Variants in SH3GL3 observed in about 807,000 individuals in gnomAD.
The protein encoded by SH3GL3 is SH3 domain containing GRB2 like 3, endophilin A3.
Under a neutral mutation model 47.7 loss-of-function variants are expected in SH3GL3, and 33 were observed. That is an observed-to-expected ratio of 0.69 (90% CI 0.52 to 0.92). The LOEUF is 0.92. Among genes scored for constraint, SH3GL3 ranks in the 40% least tolerant of loss-of-function variants. The pLI is 0.00. For synonymous variants in SH3GL3, 155 were observed against 148.8 expected (o/e 1.04, Z -0.30); for missense variants, 363 against 417.8 (o/e 0.87, Z 1.14).
At chr15:83,592,987 G>C (rs572241867) in intron 8 of SH3GL3, among the ~76,000 whole-genome samples, 2 of 151,490 alleles carry the variant, frequency 1.3e-5, no homozygotes, top group African/African-American at 4.9e-5. Flanking sequence ...TTTTTACATC[G>C]CCTAACACTT....
chr15:83,527,770 G>A (rs1596185313), intron 1 of SH3GL3, among the ~76,000 whole-genome samples: 1 of 152,034 alleles, frequency 6.6e-6, no homozygotes, highest in East Asian at 1.9e-4. Flanking sequence ...ATTTGGTTTT[G>A]TGGTTCTTTG....
chr15:83,484,254 A>G (rs1051141148), intron 1 of SH3GL3, among the ~76,000 whole-genome samples: 2 of 152,202 alleles, frequency 1.3e-5, no homozygotes, highest in African/African-American at 4.8e-5. Context: ...TTTAAGAAGC[A>G]GGTAATTTAT....
At chr15:83,584,988 C>T (rs952989153) in intron 6 of SH3GL3, among the ~76,000 whole-genome samples, 2 of 152,222 alleles carry the variant, frequency 1.3e-5, no homozygotes, top group African/African-American at 4.8e-5. Flanking sequence ...GTTCAGGAAG[C>T]TGAATGTACC....
intron 1 of SH3GL3, among the ~76,000 whole-genome samples, chr15:83,458,307 A>G (rs139406790): frequency 9.3e-4 from 141 of 152,304 alleles, no homozygotes; most frequent in African/African-American, 3.3e-3. Flanking sequence ...TGCTTTCCCA[A>G]TGGGAATTCC....
chr15:83,507,438 G>A (rs1196905472), intron 1 of SH3GL3, among the ~76,000 whole-genome samples: 2 of 149,804 alleles, frequency 1.3e-5, no homozygotes, highest in Non-Finnish European at 3.0e-5. Context: ...TTTTTTGAGA[G>A]AGAGTCTCGC....
rs2045474515 is a variant in SH3GL3, at chr15:83,565,163, A to G, written c.144A>G (p.Ala48=). 2.5e-6 allele frequency: 4 copies of G among 1,578,392 alleles called. No homozygotes were observed. Among genetic ancestry groups the G allele is most frequent in the Non-Finnish European group, 8.7e-7 (1 of 1,152,968 alleles). Residue 48 remains alanine (A), a synonymous_variant, in exon 3 of 9, where the codon GCA becomes GCG. Coordinates refer to ENST00000427482, the MANE Select transcript of SH3GL3 (RefSeq NM_003027.5). Reference sequence around the variant, plus strand: ...TAGATGTTACCAATAAAGTTGTTGCAGAAATTCTTTCAAAAACCACTGAAT... The same window carrying G: ...TAGATGTTACCAATAAAGTTGTTGCGGAAATTCTTTCAAAAACCACTGAAT... ...RKIDVTNKVV[A]EILSKTTEYL... is the part of the protein sequence containing the mutation.
At position 83,471,999 on chromosome 15, in the gene SH3GL3, T is replaced by C. The variant is rs553206585; in HGVS notation, c.45+24421T>C. 3.9e-5 allele frequency among the ~76,000 whole-genome samples: 6 copies of C among 152,298 alleles called. No homozygotes were observed. In the East Asian group the frequency reaches 1.2e-3, roughly 29 times the overall value. ...CTCAGGTTCAAGTGATTCTCCTGCCTCAGCCTCCTGAGTAGCTGGGATTAC... is the reference window on the plus strand; with the variant it reads ...CTCAGGTTCAAGTGATTCTCCTGCCCCAGCCTCCTGAGTAGCTGGGATTAC... On this transcript the variant is annotated intron_variant, in intron 1 of 8. Coordinates refer to ENST00000427482, the MANE Select transcript of SH3GL3 (RefSeq NM_003027.5).
intron 2 of SH3GL3, among the ~76,000 whole-genome samples, chr15:83,564,696 G>C (rs936730790): frequency 3.9e-5 from 6 of 152,082 alleles, no homozygotes; most frequent in African/African-American, 1.2e-4. Flanking sequence ...GATTCTTTTA[G>C]TGTTGATTAC....
chr15:83,541,485 T>C (rs1243567229), intron 1 of SH3GL3, among the ~76,000 whole-genome samples: 3 of 151,634 alleles, frequency 2.0e-5, no homozygotes, highest in Non-Finnish European at 2.9e-5. Context: ...AGGCGCCCGC[T>C]ACCACGCCCG....
At chr15:83,507,968 A>G (rs2042582426) in intron 1 of SH3GL3, among the ~76,000 whole-genome samples, 1 of 152,030 alleles carries the variant, frequency 6.6e-6, no homozygotes, top group South Asian at 2.1e-4. Flanking sequence ...ATTGAGACGG[A>G]GTCTTGCTCT....
At chr15:83,468,020 C>T (rs540616341) in intron 1 of SH3GL3, among the ~76,000 whole-genome samples, 17 of 152,208 alleles carry the variant, frequency 1.1e-4, no homozygotes, top group East Asian at 3.9e-4. Context: ...TTAGTAGAGA[C>T]AGGGTTTCAC....
intron 6 of SH3GL3, among the ~76,000 whole-genome samples, chr15:83,578,214 C>T (rs910052912): frequency 6.6e-6 from 1 of 152,140 alleles, no homozygotes; most frequent in African/African-American, 2.4e-5. Flanking sequence ...CCCTGCTCGG[C>T]CTTGGGTTTA....
chr15:83,600,586 A>G (rs1242643206), intron 8 of SH3GL3, among the ~76,000 whole-genome samples: 1 of 152,100 alleles, frequency 6.6e-6, no homozygotes, highest in Non-Finnish European at 1.5e-5. Context: ...TGTTTTGGTG[A>G]CTGTGGCCTT....
At chr15:83,482,983 G>C (rs2041434841) in intron 1 of SH3GL3, among the ~76,000 whole-genome samples, 1 of 152,172 alleles carries the variant, frequency 6.6e-6, no homozygotes, top group South Asian at 2.1e-4. Context: ...ATCCAACCTG[G>C]AAATCAGAAT....
chr15:83,562,031 A>C (rs1248718345), intron 2 of SH3GL3, among the ~76,000 whole-genome samples: 3 of 34,782 alleles, frequency 8.6e-5, no homozygotes, highest in East Asian at 2.7e-3. Context: ...CACACACACA[A>C]CACACACACA....
downstream of SH3GL3, among the ~76,000 whole-genome samples, chr15:83,623,397 C>A (rs1157001436): frequency 1.3e-5 from 2 of 152,228 alleles, no homozygotes; most frequent in Admixed American, 1.3e-4. Context: ...TGGGGCTGCA[C>A]AGGTCTGGAG....
intron 1 of SH3GL3, among the ~76,000 whole-genome samples, chr15:83,523,324 C>G (rs1281644111): frequency 1.3e-5 from 2 of 152,118 alleles, no homozygotes; most frequent in Non-Finnish European, 2.9e-5. Context: ...TGTAGAGACA[C>G]CTGCCCCTCA....
At chr15:83,629,592 G>C in the SH3GL3 span, among the ~76,000 whole-genome samples, 1 of 152,208 alleles carries the variant, frequency 6.6e-6, no homozygotes, top group Admixed American at 6.5e-5. Context: ...GTCCAAGGCA[G>C]GAGGATCACT....
chr15:83,488,561 C>T (rs2041716611), intron 1 of SH3GL3, among the ~76,000 whole-genome samples: 1 of 152,190 alleles, frequency 6.6e-6, no homozygotes, highest in Non-Finnish European at 1.5e-5. Context: ...TACGCCTCTT[C>T]CTCGACACAC....
Sources: gnomAD v4.1 joint callset for allele counts (sites outside exome capture counted in the v4.1 genomes callset) on GRCh38, gnomAD v4.1.1 for gene constraint, MANE v1.5 for transcripts, NCBI Gene and HGNC (gene_info 2026-07-23, HGNC 2026-07-21) for gene names.